Variants in PACRGL observed in about 807,000 individuals in gnomAD.
The protein encoded by PACRGL is PACRG-like protein.
Under a neutral mutation model 34.5 loss-of-function variants are expected in PACRGL, and 38 were observed. The observed-to-expected ratio is 1.10, with a 90% CI of 0.85 to 1.44. The LOEUF (loss-of-function observed/expected upper bound fraction) is 1.44, where lower values mean the gene tolerates loss of function less well. Ranked by LOEUF, PACRGL falls within the 40% of genes most tolerant of loss-of-function variation. PACRGL has a pLI of 0.00. For missense variants in PACRGL, 305 were observed against 281.4 expected, an observed-to-expected ratio of 1.08 and a Z score of -0.60; for synonymous variants, 128 against 100.1, an observed-to-expected ratio of 1.28 and a Z score of -1.66.
the PACRGL span, among the ~76,000 whole-genome samples, chr4:20,760,127 G>T: frequency 2.0e-5 from 3 of 152,150 alleles, no homozygotes; most frequent in African/African-American, 7.2e-5. Flanking sequence ...AGAGTCAACT[G>T]CACATTGTAA....
downstream of PACRGL, among the ~76,000 whole-genome samples, chr4:20,757,899 T>C (rs1480142722): frequency 6.6e-6 from 1 of 152,208 alleles, no homozygotes; most frequent in Non-Finnish European, 1.5e-5. Flanking sequence ...TCTCTTTTTA[T>C]GTCCTCTCTG....
chr4:20,749,693 T>G, intron 8 of PACRGL: 1 of 1,610,064 alleles, frequency 6.2e-7, no homozygotes, highest in Non-Finnish European at 8.5e-7. Flanking sequence ...GTGGTCTGTA[T>G]CAAATGCATT....
the PACRGL span, among the ~76,000 whole-genome samples, chr4:20,760,241 C>T: frequency 6.6e-6 from 1 of 152,122 alleles, no homozygotes; most frequent in Non-Finnish European, 1.5e-5. Context: ...CACTCCCACG[C>T]CACCTAACGT....
At chr4:20,751,566 A>G (rs1753643066) in intron 8 of PACRGL, among the ~76,000 whole-genome samples, 1 of 152,154 alleles carries the variant, frequency 6.6e-6, no homozygotes, top group South Asian at 2.1e-4. Context: ...TGCATATTTT[A>G]TAATGAGCTT....
rs1364204953 is a variant in PACRGL at position 20,729,805 on chromosome 4, C to CAATAAAACT, written c.*2466_*2474dup. ...CTCAATAATCCCATGGCTAAGGAACCAATAAAACTATATGCCAGATTCTAT... is the reference window on the plus strand; with the variant it reads ...CTCAATAATCCCATGGCTAAGGAACCAATAAAACTAATAAAACTATATGCCAGATTCTAT... On this transcript the variant is annotated 3_prime_UTR_variant, in exon 9 of 9. Transcript: ENST00000503585. 1.9e-5 allele frequency: 6 copies of CAATAAAACT among 319,054 alleles called. No individual in the cohort carries two copies. The allele number at this position is 319,054 out of a possible 1,614,324, so 19.8% of individuals were successfully genotyped here.
downstream of PACRGL, among the ~76,000 whole-genome samples, chr4:20,754,417 A>T (rs1754156886): frequency 6.6e-6 from 1 of 152,162 alleles, no homozygotes; most frequent in Non-Finnish European, 1.5e-5. Context: ...CATTCAGACC[A>T]TCATCCTGAA....
intron 4 of PACRGL, among the ~76,000 whole-genome samples, chr4:20,709,091 A>T (rs1735903711): frequency 1.3e-5 from 2 of 152,194 alleles, no homozygotes; most frequent in African/African-American, 4.8e-5. Flanking sequence ...GTGAGCCAAG[A>T]TCGCGCCATT....
chr4:20,757,665 T>C (rs555993128), downstream of PACRGL, among the ~76,000 whole-genome samples: 48 of 152,300 alleles, frequency 3.2e-4, no homozygotes, highest in African/African-American at 7.2e-4. Context: ...GAAGACATCA[T>C]ACTCAGAAGT....
intron 8 of PACRGL, among the ~76,000 whole-genome samples, chr4:20,741,891 A>G (rs950401259): frequency 6.6e-6 from 1 of 152,224 alleles, no homozygotes; most frequent in Non-Finnish European, 1.5e-5. Context: ...AGGGGATATC[A>G]CCACTGATCC....
At chr4:20,705,182 CCTGTGTT>C (rs1299061253) in intron 3 of PACRGL, among the ~76,000 whole-genome samples, 1 of 151,902 alleles carries the variant, frequency 6.6e-6, no homozygotes, top group East Asian at 1.9e-4. Flanking sequence ...TCTGACCTTT[CCTGTGTT>C]CTGTAAATTA....
the PACRGL span, among the ~76,000 whole-genome samples, chr4:20,765,555 T>C: frequency 6.6e-6 from 1 of 152,340 alleles, no homozygotes; most frequent in South Asian, 2.1e-4. Flanking sequence ...GTGTGCCACA[T>C]ACTCTTTACT....
rs551323326 is a variant in PACRGL at position 20,730,474 on chromosome 4, A to G, written c.*3133A>G. 6.6e-5 allele frequency among the ~76,000 whole-genome samples: 10 copies of G among 152,014 alleles called. No individual in the cohort carries two copies. Among genetic ancestry groups the G allele is most frequent in the African/African-American group, 2.2e-4 (9 of 41,306 alleles). ...TGTCAAAGCAAATGAGAATTTTGGC[A>G]TTCTATGTAGATCACAGGCCAAATC... On this transcript the variant is annotated 3_prime_UTR_variant, in exon 9 of 9. Transcript: ENST00000503585.
At chr4:20,749,046 T>C (rs897845932) in intron 8 of PACRGL, among the ~76,000 whole-genome samples, 1 of 151,698 alleles carries the variant, frequency 6.6e-6, no homozygotes, top group African/African-American at 2.4e-5. Flanking sequence ...TAATCCCAGC[T>C]ACTCAGGAGG....
intron 8 of PACRGL, among the ~76,000 whole-genome samples, chr4:20,739,134 C>A (rs1015380018): frequency 3.3e-5 from 5 of 152,206 alleles, no homozygotes; most frequent in Non-Finnish European, 5.9e-5. Flanking sequence ...GCCTGCCTGC[C>A]TCTGTAGATG....
At chr4:20,746,487 A>G (rs1277672058) in intron 8 of PACRGL, among the ~76,000 whole-genome samples, 2 of 151,856 alleles carry the variant, frequency 1.3e-5, no homozygotes, top group Non-Finnish European at 2.9e-5. Context: ...AAAAATGCAC[A>G]CTCTGCACAT....
chr4:20,712,964 A>G (rs747715034), intron 6 of PACRGL, 42 bp downstream of exon 6: 3 of 1,445,140 alleles, frequency 2.1e-6, no homozygotes, highest in South Asian at 1.5e-5. Context: ...TGAAAACATG[A>G]TAGAAAAGAA....
intron 8 of PACRGL, among the ~76,000 whole-genome samples, chr4:20,739,918 A>C (rs1460093551): frequency 6.6e-6 from 1 of 152,208 alleles, no homozygotes; most frequent in Non-Finnish European, 1.5e-5. Context: ...CGGAGCTGAA[A>C]ACCATGGCAC....
In PACRGL at chr4:20,707,815, T is replaced by C; in HGVS notation, c.220T>C (p.Ser74Pro). The C allele has an allele frequency of 6.2e-7, 1 of 1,613,590 alleles. No homozygotes were observed. Among genetic ancestry groups the C allele is most frequent in the Non-Finnish European group, 8.5e-7 (1 of 1,179,512 alleles). Residue 74 changes from serine (S) to proline (P), a missense_variant, in exon 4 of 9, where the codon TCA (serine) becomes CCA (proline). Ser to Pro is a moderately conservative substitution (Grantham distance 74). Transcript: ENST00000503585. ...TTTTTTATTTTAGTTTGGTGAACAGTCACGAGTGCCTTCTGCATTTGCAGC... is the reference window on the plus strand; with the variant it reads ...TTTTTTATTTTAGTTTGGTGAACAGCCACGAGTGCCTTCTGCATTTGCAGC... ...PKTINPFGEQ[S>P]RVPSAFAAIY...
At chr4:20,742,786 C>T (rs568765330) in intron 8 of PACRGL, among the ~76,000 whole-genome samples, 10 of 152,170 alleles carry the variant, frequency 6.6e-5, no homozygotes, top group South Asian at 6.2e-4. Flanking sequence ...TCCCTGTTTG[C>T]GGATGACATG....
Sources: gnomAD v4.1 joint callset for allele counts (sites outside exome capture counted in the v4.1 genomes callset) on GRCh38, gnomAD v4.1.1 for gene constraint, MANE v1.5 for transcripts, NCBI Gene and HGNC (gene_info 2026-07-23, HGNC 2026-07-21) for gene names.